The following NUBPL variants were observed in gnomAD, a reference collection of about 807,000 sequenced individuals.
NUBPL encodes the protein NUBP iron-sulfur cluster assembly factor, mitochondrial.
NUBPL carries 31 observed loss-of-function variants against 45.7 expected under a neutral mutation model. The observed-to-expected ratio is 0.68, with a 90% CI of 0.51 to 0.92. The LOEUF (loss-of-function observed/expected upper bound fraction) is 0.92, where lower values mean the gene tolerates loss of function less well. NUBPL is among the 40% of genes least tolerant of loss of function. NUBPL has a pLI of 0.00. For synonymous variants in NUBPL, 144 were observed against 140.9 expected, an observed-to-expected ratio of 1.02 and a Z score of -0.15; for missense variants, 401 against 398.7, an observed-to-expected ratio of 1.01 and a Z score of -0.05.
At chr14:31,718,662 T>C (rs1378047167) in intron 6 of NUBPL, among the ~76,000 whole-genome samples, 2 of 152,284 alleles carry the variant, frequency 1.3e-5, no homozygotes, top group South Asian at 2.1e-4. Flanking sequence ...CCAGGATGTA[T>C]GAGGAGTTGC....
chr14:31,793,828 C>CTTTTTTTTTTTTTTTT (rs55698198), intron 7 of NUBPL, among the ~76,000 whole-genome samples: 103 of 127,502 alleles, frequency 8.1e-4, no homozygotes, highest in East Asian at 1.4e-3. Flanking sequence ...CCTTATCTTT[C>CTTTTTTTTTTTTTTTT]TTTTTTTTTT....
chr14:31,675,317 G>A (rs146438597), intron 6 of NUBPL, among the ~76,000 whole-genome samples: 131 of 152,296 alleles, frequency 8.6e-4, no homozygotes, highest in African/African-American at 3.1e-3. Flanking sequence ...ACTTTCATGT[G>A]TGCATTTTAT....
chr14:31,837,779 A>C (rs2040305438), intron 8 of NUBPL, among the ~76,000 whole-genome samples: 1 of 152,214 alleles, frequency 6.6e-6, no homozygotes, highest in South Asian at 2.1e-4. Context: ...CAAATGACAA[A>C]AAAATGTAAA....
At chr14:31,700,410 C>G (rs28579645) in intron 6 of NUBPL, among the ~76,000 whole-genome samples, 1 of 152,146 alleles carries the variant, frequency 6.6e-6, no homozygotes, top group Non-Finnish European at 1.5e-5. Context: ...CGCTTGCTCT[C>G]GGTGCCTTCT....
chr14:31,674,205 G>C (rs1012074593), intron 6 of NUBPL, among the ~76,000 whole-genome samples: 1 of 151,948 alleles, frequency 6.6e-6, no homozygotes, highest in African/African-American at 2.4e-5. Context: ...TTGTCTTCTA[G>C]GTAAAAGTTA....
intron 6 of NUBPL, among the ~76,000 whole-genome samples, chr14:31,687,224 A>G (rs889140715): frequency 6.6e-6 from 1 of 152,196 alleles, no homozygotes; most frequent in African/African-American, 2.4e-5. Flanking sequence ...TTTTCAGTTA[A>G]CCACATTGGA....
chr14:31,574,349 C>T (rs1410440493), intron 3 of NUBPL, among the ~76,000 whole-genome samples: 1 of 151,280 alleles, frequency 6.6e-6, no homozygotes, highest in Non-Finnish European at 1.5e-5. Context: ...ACTGTAACCT[C>T]TGTCTCCCGG....
chr14:31,582,960 T>TATA (rs2033903035), intron 3 of NUBPL, among the ~76,000 whole-genome samples: 1 of 152,234 alleles, frequency 6.6e-6, no homozygotes, highest in Admixed American at 6.5e-5. Context: ...AAACATGTCC[T>TATA]ATAAATGGAA....
chr14:31,575,931 C>A (rs2033705156), intron 3 of NUBPL, among the ~76,000 whole-genome samples: 5 of 152,118 alleles, frequency 3.3e-5, no homozygotes, highest in Admixed American at 3.3e-4. Context: ...TTTTGCTTGT[C>A]AATTCAAAGG....
At chr14:31,700,520 C>T (rs565092912) in intron 6 of NUBPL, among the ~76,000 whole-genome samples, 269 of 152,230 alleles carry the variant, frequency 1.8e-3, no homozygotes, top group Non-Finnish European at 3.2e-3. Flanking sequence ...CAGCCGGCTC[C>T]CTCTGCTTGC....
At chr14:31,848,457 A>C (rs1389675704) in intron 9 of NUBPL, among the ~76,000 whole-genome samples, 1 of 152,156 alleles carries the variant, frequency 6.6e-6, no homozygotes, top group African/African-American at 2.4e-5. Context: ...TCGTGTTTTA[A>C]ATGATTATTT....
In NUBPL at chr14:31,636,769, C is replaced by G. The variant is rs567192052; in HGVS notation, c.383-36586C>G. Among the ~76,000 whole-genome samples, 5 of 152,234 alleles carry G rather than the reference C, an allele frequency of 3.3e-5. No individual in the cohort carries two copies. In the East Asian group the frequency reaches 9.6e-4, roughly 29 times the overall value. ...ATTGATTATTGCCACAATTTCAGAG[C>G]CTGTTATTGGTCTATTCAGAGATTC... is the stretch of plus-strand genomic sequence containing the variant. On this transcript the variant is annotated intron_variant, in intron 4 of 10. Transcript: ENST00000281081.
intron 4 of NUBPL, among the ~76,000 whole-genome samples, chr14:31,619,239 A>G (rs928441016): frequency 3.9e-5 from 6 of 152,068 alleles, no homozygotes; most frequent in Non-Finnish European, 7.4e-5. Context: ...TCTTTATCCA[A>G]TTTGTCAGTC....
chr14:31,817,824 T>A (rs1289296564), intron 7 of NUBPL, among the ~76,000 whole-genome samples: 1 of 152,136 alleles, frequency 6.6e-6, no homozygotes, highest in Non-Finnish European at 1.5e-5. Context: ...TAACCTTAAA[T>A]GTAAGTGGGG....
chr14:31,613,456 AT>A (rs763346720), intron 4 of NUBPL, among the ~76,000 whole-genome samples: 141 of 145,628 alleles, frequency 9.7e-4, no homozygotes, highest in Admixed American at 1.4e-3. Context: ...GTGTAATTGG[AT>A]TTTTTTTTTT....
At chr14:31,833,106 G>A (rs2040219310) in intron 8 of NUBPL, among the ~76,000 whole-genome samples, 1 of 152,152 alleles carries the variant, frequency 6.6e-6, no homozygotes, top group African/African-American at 2.4e-5. Flanking sequence ...GGTGGCTCAT[G>A]CCTGTAATCC....
intron 6 of NUBPL, among the ~76,000 whole-genome samples, chr14:31,756,607 C>T (rs554196822): frequency 1.0e-3 from 152 of 149,078 alleles, no homozygotes; most frequent in Non-Finnish European, 1.8e-3. Flanking sequence ...TGGGCTGAGA[C>T]AATGGGGTTT....
At chr14:31,623,571 G>C (rs911057076) in intron 4 of NUBPL, among the ~76,000 whole-genome samples, 1 of 152,096 alleles carries the variant, frequency 6.6e-6, no homozygotes, top group Non-Finnish European at 1.5e-5. Context: ...TAATGAGTGA[G>C]CCCCTGTCTC....
chr14:31,760,126 A>AGTGTGTGTGTGTGTGTGTGTGT lies in NUBPL; in HGVS notation c.514-27635_514-27634insTGTGTGTGTGTGTGTGTGTGTG, dbSNP rs147699444. 4.1e-3 allele frequency among the ~76,000 whole-genome samples: 121 copies of AGTGTGTGTGTGTGTGTGTGTGT among 29,816 alleles called. 16 individuals are homozygous for AGTGTGTGTGTGTGTGTGTGTGT. Among genetic ancestry groups the AGTGTGTGTGTGTGTGTGTGTGT allele is most frequent in the African/African-American group, 6.4e-3 (51 of 7,984 alleles). The allele number at this position is 29,816 out of a possible 152,430, so 19.6% of individuals were successfully genotyped here. Reference sequence around the variant, plus strand: ...CTATTACTCTATTACTTCTGACTTTAGTGTGTGTGTGTGTGTGTGAGAGAG... The same window carrying AGTGTGTGTGTGTGTGTGTGTGT: ...CTATTACTCTATTACTTCTGACTTTAGTGTGTGTGTGTGTGTGTGTGTGTGTGTGTGTGTGTGTGTGAGAGAG... On this transcript the variant is annotated intron_variant, in intron 6 of 10. Coordinates refer to ENST00000281081, the MANE Select transcript of NUBPL (RefSeq NM_025152.3).
Sources: allele counts gnomAD v4.1 joint callset (sites outside exome capture counted in the v4.1 genomes callset), GRCh38; gene constraint gnomAD v4.1.1; transcripts MANE v1.5; gene names NCBI Gene and HGNC (gene_info 2026-07-23, HGNC 2026-07-21).